Variants in PHACTR3 observed in about 807,000 individuals in gnomAD.
PHACTR3 encodes phosphatase and actin regulator 3.
A neutral mutation model predicts 66.8 loss-of-function variants in PHACTR3; 16 were observed. The ratio of observed to expected loss-of-function variants is 0.24; its 90% confidence interval spans 0.16 to 0.36. The LOEUF (loss-of-function observed/expected upper bound fraction) is 0.36. Ranked by LOEUF, PHACTR3 falls within the 10% of genes least tolerant of loss-of-function variation. The pLI, the probability that PHACTR3 is intolerant of heterozygous loss-of-function variation, is 1.00. For synonymous variants in PHACTR3, 323 were observed against 292.1 expected, an observed-to-expected ratio of 1.11 and a Z score of -1.08; for missense variants, 647 against 719.9, an observed-to-expected ratio of 0.90 and a Z score of 1.16.
intron 7 of PHACTR3, among the ~76,000 whole-genome samples, chr20:59,782,275 A>G (rs1368187632): frequency 6.6e-6 from 1 of 152,118 alleles, no homozygotes; most frequent in East Asian, 1.9e-4. Context: ...TTTCTAAGAC[A>G]GAGTCTTGCT....
intron 8 of PHACTR3, among the ~76,000 whole-genome samples, chr20:59,814,572 G>A (rs1649824336): frequency 6.6e-6 from 1 of 152,178 alleles, no homozygotes; most frequent in Non-Finnish European, 1.5e-5. Context: ...TCTCAGCTGA[G>A]GTCGAGGGTA....
At chr20:59,642,623 G>T (rs1211629608) in intron 1 of PHACTR3, among the ~76,000 whole-genome samples, 1 of 152,174 alleles carries the variant, frequency 6.6e-6, no homozygotes, top group Non-Finnish European at 1.5e-5. Context: ...TTCCCATTCT[G>T]CTTTCATTGG....
chr20:59,740,833 A>G (rs1306317136), intron 1 of PHACTR3, among the ~76,000 whole-genome samples: 1 of 152,204 alleles, frequency 6.6e-6, no homozygotes, highest in Non-Finnish European at 1.5e-5. Context: ...GGTCACTGCC[A>G]TGTGGGGCCT....
chr20:59,635,423 G>GAA (rs2034863959), intron 1 of PHACTR3, among the ~76,000 whole-genome samples: 1 of 151,074 alleles, frequency 6.6e-6, no homozygotes, highest in Non-Finnish European at 1.5e-5. Flanking sequence ...TATTAGAGAC[G>GAA]GGGTTTCACC....
intron 1 of PHACTR3, among the ~76,000 whole-genome samples, chr20:59,691,149 C>T (rs2037093504): frequency 6.6e-6 from 1 of 152,174 alleles, no homozygotes; most frequent in Non-Finnish European, 1.5e-5. Flanking sequence ...AGTGCAGGAT[C>T]CCTGCCCGTG....
intron 8 of PHACTR3, 104 bp from the exon 9 acceptor site, chr20:59,836,401 C>A (rs554604823): frequency 9.6e-7 from 1 of 1,036,764 alleles, no homozygotes; most frequent in Non-Finnish European, 1.4e-6. Context: ...TTTTGGGAGG[C>A]GATCTATAGG....
intron 4 of PHACTR3, among the ~76,000 whole-genome samples, chr20:59,757,898 A>C (rs962522923): frequency 7.2e-5 from 11 of 152,152 alleles, no homozygotes; most frequent in African/African-American, 2.2e-4. Context: ...TGAGCCCGGG[A>C]GGTCAAGGCT....
At chr20:59,800,096 C>T (rs909387786) in intron 7 of PHACTR3, among the ~76,000 whole-genome samples, 4 of 152,162 alleles carry the variant, frequency 2.6e-5, no homozygotes, top group African/African-American at 9.6e-5. Context: ...CTTCTGTTCT[C>T]CTTTCCCAAC....
At chr20:59,807,192 CTT>C (rs1396344624) in intron 8 of PHACTR3, among the ~76,000 whole-genome samples, 10 of 152,220 alleles carry the variant, frequency 6.6e-5, no homozygotes, top group Non-Finnish European at 7.3e-5. Context: ...TATAATAACA[CTT>C]AGCACAAAAC....
At chr20:59,628,134 T>C (rs1297843022) in intron 1 of PHACTR3, 1 of 152,218 alleles carries the variant, frequency 6.6e-6, no homozygotes, top group Non-Finnish European at 1.5e-5. Context: ...CCAACTCATG[T>C]GGCCACTCCA....
chr20:59,724,267 A>G (rs186975580), intron 1 of PHACTR3, among the ~76,000 whole-genome samples: 1 of 152,294 alleles, frequency 6.6e-6, no homozygotes, highest in African/African-American at 2.4e-5. Flanking sequence ...GAAGGAGGAA[A>G]TGATTTCTGA....
At chr20:59,790,005 G>A (rs1443804931) in intron 7 of PHACTR3, among the ~76,000 whole-genome samples, 1 of 152,152 alleles carries the variant, frequency 6.6e-6, no homozygotes, top group Non-Finnish European at 1.5e-5. Context: ...TATGTCCTTA[G>A]GATAAATTCC....
chr20:59,761,725 G>A (rs908855978), intron 4 of PHACTR3, among the ~76,000 whole-genome samples: 1 of 152,256 alleles, frequency 6.6e-6, no homozygotes, highest in Admixed American at 6.5e-5. Flanking sequence ...AAGGGTGTCA[G>A]TGGAACATGC....
chr20:59,703,063 G>A (rs2037565160), intron 1 of PHACTR3, among the ~76,000 whole-genome samples: 1 of 152,144 alleles, frequency 6.6e-6, no homozygotes, highest in African/African-American at 2.4e-5. Flanking sequence ...GCCTTTGAAA[G>A]GTGTTTATGT....
At chr20:59,767,880 A>G (rs528813792) in intron 5 of PHACTR3, among the ~76,000 whole-genome samples, 3,407 of 142,678 alleles carry the variant, frequency 0.024, 58 homozygotes, top group Non-Finnish European at 0.037. Context: ...GTTCTGTTCC[A>G]TTCCATTCTT....
intron 1 of PHACTR3, among the ~76,000 whole-genome samples, chr20:59,701,816 C>A (rs1022899351): frequency 2.0e-5 from 3 of 152,210 alleles, no homozygotes; most frequent in Admixed American, 1.3e-4. Context: ...AATGTATTCA[C>A]CATTACAGTA....
intron 1 of PHACTR3, among the ~76,000 whole-genome samples, chr20:59,703,331 T>C (rs1214464185): frequency 6.6e-6 from 1 of 152,238 alleles, no homozygotes; most frequent in Admixed American, 6.5e-5. Flanking sequence ...TGAAAGGTCA[T>C]TTAGATTTTT....
intron 1 of PHACTR3, among the ~76,000 whole-genome samples, chr20:59,726,310 G>A (rs1021723147): frequency 3.3e-5 from 5 of 152,124 alleles, no homozygotes; most frequent in African/African-American, 1.2e-4. Flanking sequence ...CTAAGGGCTG[G>A]CCTGGTGTGT....
intron 3 of PHACTR3, among the ~76,000 whole-genome samples, chr20:59,754,856 G>A (rs1449245615): frequency 6.6e-6 from 1 of 152,272 alleles, no homozygotes; most frequent in East Asian, 1.9e-4. Flanking sequence ...AGAGGCCGGG[G>A]TCAGAGTGGG....
Sources: allele counts gnomAD v4.1 joint callset (sites outside exome capture counted in the v4.1 genomes callset), GRCh38; gene constraint gnomAD v4.1.1; transcripts MANE v1.5; gene names NCBI Gene and HGNC (gene_info 2026-07-23, HGNC 2026-07-21).